PDE9A: variants seen among roughly 807,000 people sequenced by gnomAD.
PDE9A encodes high affinity cGMP-specific 3',5'-cyclic phosphodiesterase 9A.
In PDE9A, 60 loss-of-function variants were observed where a neutral mutation model predicts 87.4. The ratio of observed to expected loss-of-function variants is 0.69; its 90% CI spans 0.56 to 0.85. The LOEUF (loss-of-function observed/expected upper bound fraction) is 0.85, where lower values mean the gene tolerates loss of function less well. Among genes scored for constraint, PDE9A ranks in the 40% least tolerant of loss-of-function variants. The pLI, the probability that PDE9A is intolerant of heterozygous loss-of-function variation, is 0.00. For synonymous variants in PDE9A, 272 were observed against 279.4 expected, an observed-to-expected ratio of 0.97 and a Z score of 0.27; for missense variants, 665 against 779.0, an observed-to-expected ratio of 0.85 and a Z score of 1.74.
At chr21:42,691,199 T>C (rs2059815931) in intron 3 of PDE9A, among the ~76,000 whole-genome samples, 1 of 143,176 alleles carries the variant, frequency 7.0e-6, no homozygotes, top group East Asian at 2.2e-4. Context: ...ACCATCACCA[T>C]CCAGAGTCAC....
intron 1 of PDE9A, among the ~76,000 whole-genome samples, chr21:42,662,453 C>T (rs989152627): frequency 3.3e-5 from 5 of 151,270 alleles, no homozygotes; most frequent in South Asian, 4.1e-4. Flanking sequence ...TACATACACA[C>T]ATATACACGC....
At position 42,692,725 on chromosome 21, in the gene PDE9A, C is replaced by T. The variant is rs1163827006; in HGVS notation, c.218+4731C>T. ...TCTCCCGCTTCCGTCCCTCTTCCCT[C>T]GCCGGCAGGTGACGTTACTGGCCTT... On this transcript the variant is annotated intron_variant, in intron 3 of 19. Coordinates refer to ENST00000291539, the MANE Select transcript of PDE9A (RefSeq NM_002606.3). This position sits in a 1 kb window ranked among gnomAD's most constrained non-coding sequence, Gnocchi z 4.3. 2.0e-5 allele frequency among the ~76,000 whole-genome samples: 3 copies of T among 152,150 alleles called. No homozygotes were observed. The highest frequency in any genetic ancestry group is 7.2e-5 in the African/African-American group (3 of 41,438).
intron 1 of PDE9A, among the ~76,000 whole-genome samples, chr21:42,667,663 G>A (rs80291704): frequency 1.2e-4 from 19 of 152,182 alleles, no homozygotes; most frequent in Admixed American, 3.3e-4. Context: ...ATCACAACAG[G>A]CCTCTTGCAA....
chr21:42,717,462 TC>T (rs1194859852), intron 4 of PDE9A, among the ~76,000 whole-genome samples: 1 of 150,018 alleles, frequency 6.7e-6, no homozygotes, highest in Non-Finnish European at 1.5e-5. Flanking sequence ...ACCCAGGCAC[TC>T]CACCCAGGAG....
chr21:42,768,847 G>A (rs981973700), intron 16 of PDE9A, 180 bp from the exon 17 acceptor site: 1 of 985,220 alleles, frequency 1.0e-6, no homozygotes, highest in South Asian at 4.7e-5. Context: ...AGACCTGCAC[G>A]CCCAGCTCTG....
intron 1 of PDE9A, among the ~76,000 whole-genome samples, chr21:42,665,845 G>T (rs2138327): frequency 0.43 from 65,259 of 152,052 alleles, 17,672 homozygotes; most frequent in African/African-American, 0.78. Flanking sequence ...GGCGTTGCTC[G>T]GCTGGGCCAG....
rs934200154 is a variant in PDE9A, at chr21:42,662,889, CAAA to C, written c.69+9009_69+9011del. Among the ~76,000 whole-genome samples the C allele has an allele frequency of 1.4e-5, 2 of 140,604 alleles. 1 individual carries two copies. Among genetic ancestry groups the C allele is most frequent in the South Asian group, 4.5e-4 (2 of 4,410 alleles). 92.2% of individuals were successfully genotyped at this position (140,604 alleles called of 152,430 possible). On this transcript the variant is annotated intron_variant, in intron 1 of 19. Transcript: ENST00000291539. ...ACGTACACACCACACACAGCACACA[CAAA>C]AACACACCACACACACCATGCACAT... is the stretch of plus-strand genomic sequence containing the variant.
chr21:42,719,683 A>T (rs1473871293), intron 4 of PDE9A, among the ~76,000 whole-genome samples: 3 of 150,676 alleles, frequency 2.0e-5, no homozygotes, highest in Non-Finnish European at 4.4e-5. Context: ...TCGTTCTTTT[A>T]TAGGAGCATA....
chr21:42,757,525 A>G (rs2055201679), intron 10 of PDE9A: 1 of 152,234 alleles, frequency 6.6e-6, no homozygotes, highest in African/African-American at 2.4e-5. Context: ...AAAGTACCAG[A>G]GACTGGGGTG....
rs538165556 is a variant in PDE9A at position 42,759,281 on chromosome 21, G to A, written c.897+196G>A. The stretch of plus-strand genomic sequence containing the variant: ...CTCCTTCCACCAAAACCTTCTTTAC[G>A]CCCGAGCTACTCCTGCTCTGATAAG... On this transcript the variant is annotated intron_variant, in intron 11 of 19. Transcript: ENST00000291539. The surrounding 1 kb of genome is among the most constrained non-coding windows in gnomAD (Gnocchi z 7.2). Among the ~76,000 whole-genome samples, 10 of 152,174 alleles carry A rather than the reference G, an allele frequency of 6.6e-5. No individual in the cohort carries two copies. In the South Asian group the frequency reaches 1.9e-3, roughly 28 times the overall value.
At chr21:42,768,331 T>G (rs747293081) in intron 16 of PDE9A, 39 bp downstream of exon 16, 2 of 1,281,650 alleles carry the variant, frequency 1.6e-6, no homozygotes, top group South Asian at 2.4e-5. Context: ...CCAGCCACTC[T>G]TATTAGCCCC....
intron 4 of PDE9A, among the ~76,000 whole-genome samples, chr21:42,710,421 A>G (rs1033689457): frequency 1.4e-4 from 21 of 150,938 alleles, no homozygotes; most frequent in South Asian, 2.1e-4. Context: ...AAAAAAAAAA[A>G]AAAGAAAGAA....
chr21:42,714,180 G>A (rs59647649), intron 4 of PDE9A, among the ~76,000 whole-genome samples: 11,983 of 151,772 alleles, frequency 0.079, 976 homozygotes, highest in African/African-American at 0.21. Context: ...CACCGTGCCT[G>A]GCTAACGTTT....
chr21:42,756,323 GAC>G (rs1329009398), intron 10 of PDE9A, among the ~76,000 whole-genome samples: 1 of 152,180 alleles, frequency 6.6e-6, no homozygotes, highest in Non-Finnish European at 1.5e-5. Flanking sequence ...CAACTAAAGG[GAC>G]ACACATGAAA....
At chr21:42,682,909 A>T (rs951503893) in intron 1 of PDE9A, among the ~76,000 whole-genome samples, 2 of 152,242 alleles carry the variant, frequency 1.3e-5, no homozygotes, top group African/African-American at 4.8e-5. Context: ...ACCTTTGCAG[A>T]TATTGCCACC....
At position 42,760,573 on chromosome 21, in the gene PDE9A, C is replaced by A; in HGVS notation, c.1002+141C>A. The A allele has an allele frequency of 1.6e-6, 1 of 639,418 alleles. No homozygotes were observed. Among genetic ancestry groups the A allele is most frequent in the Non-Finnish European group, 2.8e-6 (1 of 358,928 alleles). 39.6% of individuals were successfully genotyped at this position (639,418 alleles called of 1,614,324 possible). A position where few individuals can be genotyped will look rare whatever the true frequency, so the allele number is the denominator to read the frequency against. ...CCGCTCCGCCCCTCCTAGGGACGCA[C>A]CCCTGCCCACCGTTGTCAGTCACCC... On this transcript the variant is annotated intron_variant, in intron 12 of 19. Coordinates refer to ENST00000291539, the MANE Select transcript of PDE9A (RefSeq NM_002606.3). This position sits in a 1 kb window ranked among gnomAD's most constrained non-coding sequence, Gnocchi z 5.2.
At chr21:42,765,227 T>C (rs181566008) in intron 14 of PDE9A, among the ~76,000 whole-genome samples, 154 bp from the exon 15 acceptor site, 130 of 152,288 alleles carry the variant, frequency 8.5e-4, no homozygotes, top group African/African-American at 3.0e-3. Flanking sequence ...GGCAGATGGA[T>C]GTGTGGACAA....
intron 4 of PDE9A, among the ~76,000 whole-genome samples, chr21:42,731,522 T>A (rs756319069): frequency 5.9e-5 from 9 of 152,146 alleles, no homozygotes; most frequent in Non-Finnish European, 8.8e-5. Flanking sequence ...GCAGGTTCCA[T>A]TGAGCCTGGG....
At chr21:42,758,807 G>A in intron 10 of PDE9A, 192 bp from the exon 11 acceptor site, 1 of 553,202 alleles carries the variant, frequency 1.8e-6, no homozygotes, top group Non-Finnish European at 3.3e-6. Flanking sequence ...GGCCTGGAAA[G>A]GCTGGTCTGA....
Sources: gnomAD v4.1 joint callset for allele counts (sites outside exome capture counted in the v4.1 genomes callset) on GRCh38, gnomAD v4.1.1 for gene constraint, Gnocchi (gnomAD v3.1) non-coding constraint, MANE v1.5 for transcripts, NCBI Gene and HGNC (gene_info 2026-07-23, HGNC 2026-07-21) for gene names.